Variants in EDARADD observed in about 807,000 individuals in gnomAD.
The protein encoded by EDARADD is ectodysplasin-A receptor-associated adapter protein.
A neutral mutation model predicts 25.6 loss-of-function variants in EDARADD; 20 were observed. That is an observed-to-expected ratio of 0.78 (90% CI 0.55 to 1.14). The LOEUF is 1.14. Ranked by LOEUF, EDARADD falls within the 50% of genes most tolerant of loss-of-function variation. The probability of loss-of-function intolerance (pLI) is 0.00; values close to 1 mark genes in which losing one functional copy is unlikely to be tolerated. For synonymous variants in EDARADD, 86 were observed against 94.4 expected, an observed-to-expected ratio of 0.91 and a Z score of 0.52; for missense variants, 225 against 270.1, an observed-to-expected ratio of 0.83 and a Z score of 1.17.
upstream of EDARADD, among the ~76,000 whole-genome samples, chr1:236,392,423 A>T (rs1373651030): frequency 6.6e-6 from 1 of 151,822 alleles, no homozygotes. Flanking sequence ...TCCTTGGCTC[A>T]AGTGACCCTC....
rs955683364 is a variant in EDARADD at position 236,483,887 on chromosome 1, C to G, written c.*1238C>G. 5 of 1,379,894 alleles carry G rather than the reference C, an allele frequency of 3.6e-6. No homozygotes were observed. Among genetic ancestry groups the G allele is most frequent in the South Asian group, 2.3e-5 (2 of 86,102 alleles). 85.5% of individuals were successfully genotyped at this position (1,379,894 alleles called of 1,614,324 possible). On this transcript the variant is annotated 3_prime_UTR_variant, in exon 6 of 6. Coordinates refer to ENST00000334232, the MANE Select transcript of EDARADD (RefSeq NM_145861.4). The stretch of plus-strand genomic sequence containing the variant: ...AAGCTGGCTACACTGATAAGGTGAT[C>G]GTCAGCATGGACGTAGAGGCCTCCG...
At chr1:236,477,793 G>A (rs917393824) in intron 5 of EDARADD, among the ~76,000 whole-genome samples, 3 of 151,788 alleles carry the variant, frequency 2.0e-5, no homozygotes, top group Middle Eastern at 3.2e-3. Flanking sequence ...TTTTTAAAAC[G>A]AATACTTGGT....
At chr1:236,413,488 C>A (rs1311250360) in intron 2 of EDARADD, among the ~76,000 whole-genome samples, 2 of 152,064 alleles carry the variant, frequency 1.3e-5, no homozygotes, top group African/African-American at 4.8e-5. Flanking sequence ...TTTGTTCAGG[C>A]TGAAGGACAG....
chr1:236,474,736 A>G (rs745944232), intron 5 of EDARADD, among the ~76,000 whole-genome samples: 14 of 152,222 alleles, frequency 9.2e-5, no homozygotes, highest in Middle Eastern at 3.2e-3. Flanking sequence ...GACAATGCAC[A>G]GTTCTCATTC....
At chr1:236,453,166 C>T (rs908022057) in intron 4 of EDARADD, among the ~76,000 whole-genome samples, 2 of 152,114 alleles carry the variant, frequency 1.3e-5, no homozygotes, top group African/African-American at 4.8e-5. Context: ...AGAAATGATG[C>T]TGTTTTATCT....
intron 5 of EDARADD, among the ~76,000 whole-genome samples, chr1:236,474,931 G>A (rs1463520356): frequency 6.6e-6 from 1 of 152,130 alleles, no homozygotes; most frequent in Non-Finnish European, 1.5e-5. Context: ...ATGGGCGTTG[G>A]AGACCAGCCT....
chr1:236,420,215 C>G (rs192262448), intron 3 of EDARADD, among the ~76,000 whole-genome samples: 3 of 152,206 alleles, frequency 2.0e-5, no homozygotes, highest in East Asian at 3.9e-4. Context: ...AATAAAAAGA[C>G]TGCTAATGAA....
chr1:236,468,606 C>T lies in EDARADD; in HGVS notation c.265+330C>T, dbSNP rs548096388. On this transcript the variant is annotated intron_variant, in intron 5 of 5. Coordinates refer to ENST00000334232, the MANE Select transcript of EDARADD (RefSeq NM_145861.4). Reference sequence around the variant, plus strand: ...CTGCACTCCAGCCTGGACAACAGAGCGAAACTCCATCTCAAAAAATTAAAT... The same window carrying T: ...CTGCACTCCAGCCTGGACAACAGAGTGAAACTCCATCTCAAAAAATTAAAT... Among the ~76,000 whole-genome samples the T allele has an allele frequency of 5.9e-5, 9 of 152,002 alleles. No homozygotes were observed. The South Asian group carries it at 1.3e-3, about 21-fold the overall frequency.
At chr1:236,437,454 A>C in intron 4 of EDARADD, among the ~76,000 whole-genome samples, 1 of 151,964 alleles carries the variant, frequency 6.6e-6, no homozygotes, top group Non-Finnish European at 1.5e-5. Flanking sequence ...GAGTTCTAGA[A>C]AGGTCATCCT....
intron 5 of EDARADD, among the ~76,000 whole-genome samples, chr1:236,476,380 T>C (rs552528750): frequency 1.3e-5 from 2 of 152,126 alleles, no homozygotes; most frequent in South Asian, 2.1e-4. Context: ...TATTTTTCTA[T>C]GACATTAAAA....
Position 236,468,290 on chromosome 1 carries a change from T to C in EDARADD, c.265+14T>C, listed in dbSNP as rs1255882946. 6 of 1,613,276 alleles carry C rather than the reference T, an allele frequency of 3.7e-6. No individual in the cohort carries two copies. Among genetic ancestry groups the C allele is most frequent in the African/African-American group, 2.7e-5 (2 of 74,912 alleles). On this transcript the variant is annotated intron_variant, in intron 5 of 5. Transcript: ENST00000334232. ...ATCCTCTTCCAGGTAAATGATTGAT[T>C]CTAAAGCTATCTGGGCTAATAGCTA...
At chr1:236,369,974 A>T (rs550400556) in intron 3 of EDARADD, among the ~76,000 whole-genome samples, 6 of 152,324 alleles carry the variant, frequency 3.9e-5, no homozygotes, top group African/African-American at 1.4e-4. Flanking sequence ...CTAAGGGATA[A>T]GGTTGCAGGG....
intron 4 of EDARADD, among the ~76,000 whole-genome samples, chr1:236,449,222 C>T (rs1164876438): frequency 2.0e-5 from 3 of 152,140 alleles, no homozygotes; most frequent in Non-Finnish European, 4.4e-5. Context: ...GATTTTAGAG[C>T]CCACCCTAAT....
chr1:236,366,741 C>CTCTCTT (rs146073425), intron 3 of EDARADD, among the ~76,000 whole-genome samples: 7 of 144,214 alleles, frequency 4.9e-5, no homozygotes, highest in East Asian at 2.1e-4. Context: ...TCATCTCTCT[C>CTCTCTT]TTTTTTTTGT....
At chr1:236,352,406 G>A (rs564452854) in intron 3 of EDARADD, among the ~76,000 whole-genome samples, 90 of 152,236 alleles carry the variant, frequency 5.9e-4, no homozygotes, top group Non-Finnish European at 1.2e-3. Flanking sequence ...ATAGCCTCCC[G>A]TAAATTTTAT....
intron 4 of EDARADD, among the ~76,000 whole-genome samples, chr1:236,428,785 G>A (rs903009473): frequency 6.0e-5 from 9 of 151,186 alleles, no homozygotes; most frequent in Admixed American, 1.3e-4. Flanking sequence ...CAAGGCAGGC[G>A]GCTGGGAGGT....
At chr1:236,475,992 A>C (rs1659492282) in intron 5 of EDARADD, among the ~76,000 whole-genome samples, 1 of 152,072 alleles carries the variant, frequency 6.6e-6, no homozygotes, top group Non-Finnish European at 1.5e-5. Context: ...AGAGTTCGAG[A>C]CCAGCCTGGC....
In EDARADD at chr1:236,409,249, A is replaced by T; in HGVS notation, c.95A>T (p.Asp32Val). 5 of 1,613,122 alleles carry T rather than the reference A, an allele frequency of 3.1e-6. No individual in the cohort carries two copies. The highest frequency in any genetic ancestry group is 4.2e-6 in the Non-Finnish European group (5 of 1,179,358). The change falls in exon 2 of 6, where the codon GAC (aspartate) becomes GTC (valine). Residue 32 changes from aspartate to valine, a missense_variant. Physicochemically the swap from Asp to Val is radical, Grantham distance 152. Coordinates refer to ENST00000334232, the MANE Select transcript of EDARADD (RefSeq NM_145861.4). ...HMVKEPVEDT[D>V]PSTLSFNMSD... Reference sequence around the variant, plus strand: ...GTAAAGGAACCAGTGGAAGACACAGACCCTAGCACTTTATCCTTTAATATG... The same window carrying T: ...GTAAAGGAACCAGTGGAAGACACAGTCCCTAGCACTTTATCCTTTAATATG...
At chr1:236,365,160 CTT>C (rs1667096872) in intron 3 of EDARADD, among the ~76,000 whole-genome samples, 1 of 132,376 alleles carries the variant, frequency 7.6e-6, no homozygotes, top group African/African-American at 2.9e-5. Context: ...TTTTTTTTTT[CTT>C]TCTCTCTCTC....
Sources: gnomAD v4.1 joint callset for allele counts (sites outside exome capture counted in the v4.1 genomes callset) on GRCh38, gnomAD v4.1.1 for gene constraint, MANE v1.5 for transcripts, NCBI Gene and HGNC (gene_info 2026-07-23, HGNC 2026-07-21) for gene names.